NECTIN1: variants seen among roughly 807,000 people sequenced by gnomAD.
NECTIN1 encodes nectin cell adhesion molecule 1.
NECTIN1 carries 23 observed loss-of-function variants against 48.0 expected under a neutral mutation model. The observed-to-expected ratio is 0.48, with a 90% confidence interval of 0.34 to 0.68. NECTIN1 has a LOEUF of 0.68. Among genes scored for constraint, NECTIN1 ranks in the 30% least tolerant of loss-of-function variants. The probability of loss-of-function intolerance (pLI) is 0.01; values close to 1 mark genes in which losing one functional copy is unlikely to be tolerated. For missense variants in NECTIN1, 591 were observed against 709.9 expected, an observed-to-expected ratio of 0.83 and a Z score of 1.90; for synonymous variants, 270 against 288.9, an observed-to-expected ratio of 0.93 and a Z score of 0.66.
chr11:119,645,325 C>T (rs1049826575), intron 5 of NECTIN1, among the ~76,000 whole-genome samples: 1 of 152,176 alleles, frequency 6.6e-6, no homozygotes, highest in Non-Finnish European at 1.5e-5. Context: ...GGCCAACCCT[C>T]CTGTGTTCGG....
intron 1 of NECTIN1, among the ~76,000 whole-genome samples, chr11:119,692,850 G>C (rs1430523853): frequency 6.6e-6 from 1 of 152,158 alleles, no homozygotes; most frequent in Non-Finnish European, 1.5e-5. Flanking sequence ...ATAGCTCCAC[G>C]GCCTCCCTCT....
Position 119,684,499 on chromosome 11 carries a change from C to T in NECTIN1, c.80-5734G>A, listed in dbSNP as rs928133392. ...TTCTAGGGCTTTCCAGGGATGCTCC[C>T]ACCCCCACCCCAGGAACTGGCAGAA... is the stretch of plus-strand genomic sequence containing the variant. On this transcript the variant is annotated intron_variant, in intron 1 of 5. Coordinates refer to ENST00000264025, the MANE Select transcript of NECTIN1 (RefSeq NM_002855.5). The surrounding 1 kb of genome is among the most constrained non-coding windows in gnomAD (Gnocchi z 5.2). Among the ~76,000 whole-genome samples the T allele has an allele frequency of 1.3e-5, 2 of 152,182 alleles. No homozygotes were observed. Among genetic ancestry groups the T allele is most frequent in the African/African-American group, 4.8e-5 (2 of 41,446 alleles).
rs1864986117 is a variant in NECTIN1, at chr11:119,677,844, A to G, written c.444T>C (p.Asn148=). The change falls in exon 3 of 6, where the codon AAT becomes AAC. Residue 148 remains asparagine, a synonymous_variant. Coordinates refer to ENST00000264025, the MANE Select transcript of NECTIN1 (RefSeq NM_002855.5). The surrounding 1 kb of genome is among the most constrained non-coding windows in gnomAD (Gnocchi z 5.4). The part of the protein sequence containing the change: ...LNLTVMAKPT[N]WIEGTQAVLR... The stretch of plus-strand genomic sequence containing the variant: ...GCACTGCCTGGGTACCCTCTATCCA[A>G]TTGGTGGGTTTGGCTGCGAGGAAGC... 5 of 1,613,942 alleles carry G rather than the reference A, an allele frequency of 3.1e-6. No individual in the cohort carries two copies. Among genetic ancestry groups the G allele is most frequent in the Non-Finnish European group, 4.2e-6 (5 of 1,179,922 alleles).
chr11:119,686,763 G>T (rs1371272061), intron 1 of NECTIN1, among the ~76,000 whole-genome samples: 1 of 152,174 alleles, frequency 6.6e-6, no homozygotes, highest in African/African-American at 2.4e-5. Flanking sequence ...TTTCAAGGGG[G>T]AGGCTTCCCG....
intron 5 of NECTIN1, among the ~76,000 whole-genome samples, chr11:119,667,456 C>T (rs1460703429): frequency 6.6e-6 from 1 of 152,218 alleles, no homozygotes; most frequent in African/African-American, 2.4e-5. Context: ...AGAGACAGCA[C>T]ATGCAGATGT....
At chr11:119,654,255 CCA>C (rs1491475935) in intron 5 of NECTIN1, 31 of 119,922 alleles carry the variant, frequency 2.6e-4, no homozygotes, top group African/African-American at 1.6e-3. Flanking sequence ...ATTCATCCAT[CCA>C]TCCATCCATC....
chr11:119,719,693 A>C (rs374689160), intron 1 of NECTIN1, among the ~76,000 whole-genome samples: 2 of 152,210 alleles, frequency 1.3e-5, no homozygotes, highest in African/African-American at 2.4e-5. Context: ...AGCATGGCCT[A>C]CTGGTCCCCT....
At chr11:119,676,376 G>A (rs1864948202) in intron 4 of NECTIN1, among the ~76,000 whole-genome samples, 1 of 152,208 alleles carries the variant, frequency 6.6e-6, no homozygotes, top group African/African-American at 2.4e-5. Context: ...AGGATCATAG[G>A]TAGGGCATAC....
Position 119,644,919 on chromosome 11 carries a change from T to C in NECTIN1, c.1004-4907A>G, listed in dbSNP as rs188224078. On this transcript the variant is annotated intron_variant, in intron 5 of 7. Transcript: ENST00000341398. ...ATTTCTAATAGGTGATATTAGGTAA[T>C]AGTAATGCCCTCTCTCCTGCCGCCT... Among the ~76,000 whole-genome samples, 208 of 152,174 alleles carry C rather than the reference T, an allele frequency of 1.4e-3. 2 individuals are homozygous for C. The highest frequency in any genetic ancestry group is 2.6e-3 in the Non-Finnish European group (177 of 67,994).
chr11:119,686,728 T>C (rs950492555), intron 1 of NECTIN1, among the ~76,000 whole-genome samples: 3 of 152,232 alleles, frequency 2.0e-5, no homozygotes, highest in Non-Finnish European at 2.9e-5. Flanking sequence ...CTTTTCATTC[T>C]TCCCGGAATC....
rs988497586 is a variant in NECTIN1 at position 119,727,179 on chromosome 11, A to G, written c.79+1296T>C. ...AAGAGGCATAGAAGGGAATGAGGCC[A>G]GGCTTCTGCCTTCCAGGAGTGCACC... On this transcript the variant is annotated intron_variant, in intron 1 of 5. Coordinates refer to ENST00000264025, the MANE Select transcript of NECTIN1 (RefSeq NM_002855.5). This position sits in a 1 kb window ranked among gnomAD's most constrained non-coding sequence, Gnocchi z 4.1. 6.6e-6 allele frequency among the ~76,000 whole-genome samples: 1 copy of G among 152,240 alleles called. No homozygotes were observed. The highest frequency in any genetic ancestry group is 1.5e-5 in the Non-Finnish European group (1 of 68,040).
At chr11:119,645,252 CG>C (rs1030227996) in intron 5 of NECTIN1, among the ~76,000 whole-genome samples, 1 of 152,184 alleles carries the variant, frequency 6.6e-6, no homozygotes, top group Non-Finnish European at 1.5e-5. Flanking sequence ...CTCCAGCCCA[CG>C]TGTGCTGGAC....
chr11:119,639,630 AT>A (rs1864294157), intron 6 of NECTIN1: 1 of 589,934 alleles, frequency 1.7e-6, no homozygotes, highest in Non-Finnish European at 3.0e-6. Context: ...TGCTGTGAGG[AT>A]AAAATGCATC....
At chr11:119,680,630 G>T (rs1865044077) in intron 1 of NECTIN1, among the ~76,000 whole-genome samples, 1 of 152,244 alleles carries the variant, frequency 6.6e-6, no homozygotes, top group Non-Finnish European at 1.5e-5. Context: ...CTGGTGCTCA[G>T]CATAAAGTAG....
Position 119,664,539 on chromosome 11 carries a change from G to C in NECTIN1, c.*208C>G. 7.0e-7 allele frequency: 1 copy of C among 1,424,812 alleles called. No homozygotes were observed. Among genetic ancestry groups the C allele is most frequent in the Non-Finnish European group, 9.1e-7 (1 of 1,093,538 alleles). The allele number at this position is 1,424,812 out of a possible 1,614,324, so 88.3% of individuals were successfully genotyped here. On this transcript the variant is annotated 3_prime_UTR_variant, in exon 6 of 6. Coordinates refer to ENST00000264025, the MANE Select transcript of NECTIN1 (RefSeq NM_002855.5). ...GCCACAGTCGAACACAACACCATGGGGAAGGGCGGAGGAGAGGGAGGAAAT... is the reference window on the plus strand; with the variant it reads ...GCCACAGTCGAACACAACACCATGGCGAAGGGCGGAGGAGAGGGAGGAAAT...
At chr11:119,671,711 G>T (rs1005470255) in intron 5 of NECTIN1, among the ~76,000 whole-genome samples, 3 of 152,142 alleles carry the variant, frequency 2.0e-5, no homozygotes, top group African/African-American at 7.2e-5. Flanking sequence ...GAGTGGGGAG[G>T]CCTGGGGTCC....
intron 1 of NECTIN1, among the ~76,000 whole-genome samples, chr11:119,711,043 G>T (rs920457462): frequency 1.4e-5 from 2 of 144,622 alleles, no homozygotes; most frequent in African/African-American, 2.6e-5. Flanking sequence ...CTTGGCATGG[G>T]GGTTAAATAG....
At chr11:119,714,030 T>A (rs1340066981) in intron 1 of NECTIN1, 1 of 344,506 alleles carries the variant, frequency 2.9e-6, no homozygotes, top group Non-Finnish European at 5.8e-6. Flanking sequence ...GGCTTCTGAG[T>A]TGCTCTGAGG....
intron 1 of NECTIN1, among the ~76,000 whole-genome samples, chr11:119,713,421 A>G (rs1229215670): frequency 2.0e-5 from 3 of 152,100 alleles, no homozygotes; most frequent in African/African-American, 7.2e-5. Flanking sequence ...AGAGTCACTA[A>G]TTATTAACCA....
Sources: gnomAD v4.1 joint callset for allele counts (sites outside exome capture counted in the v4.1 genomes callset) on GRCh38, gnomAD v4.1.1 for gene constraint, Gnocchi (gnomAD v3.1) non-coding constraint, MANE v1.5 for transcripts, NCBI Gene and HGNC (gene_info 2026-07-23, HGNC 2026-07-21) for gene names.